HEATR1: variants seen among roughly 807,000 people sequenced by gnomAD.
HEATR1 encodes HEAT repeat-containing protein 1.
In HEATR1, 77 loss-of-function variants were observed where a neutral mutation model predicts 248.2. The observed-to-expected ratio is 0.31, with a 90% confidence interval of 0.26 to 0.37. The LOEUF is 0.37. Ranked by LOEUF, HEATR1 falls within the 10% of genes least tolerant of loss-of-function variation. HEATR1 has a pLI of 1.00. For missense variants in HEATR1, 2,420 were observed against 2,504.9 expected (o/e 0.97, Z 0.72); for synonymous variants, 897 against 923.1 (o/e 0.97, Z 0.51).
At chr1:236,600,697 AT>A (rs1201935697) in intron 3 of HEATR1, among the ~76,000 whole-genome samples, 1 of 151,088 alleles carries the variant, frequency 6.6e-6, no homozygotes, top group East Asian at 1.9e-4. Flanking sequence ...CACCCAGCTA[AT>A]TTTTTTTTGT....
chr1:236,567,042 A>G (rs1356499133), intron 29 of HEATR1, among the ~76,000 whole-genome samples, 166 bp from the exon 30 acceptor site: 1 of 152,134 alleles, frequency 6.6e-6, no homozygotes, highest in African/African-American at 2.4e-5. Context: ...GCTGAAGTGC[A>G]GTGATGTGAT....
At chr1:236,559,303 C>T (rs1663059706) in intron 34 of HEATR1, among the ~76,000 whole-genome samples, 168 bp from the exon 35 acceptor site, 1 of 152,166 alleles carries the variant, frequency 6.6e-6, no homozygotes, top group African/African-American at 2.4e-5. Flanking sequence ...CATTACCAAC[C>T]ACACATTATC....
rs1209210701 is a variant in HEATR1, at chr1:236,574,241, G to A, written c.3420C>T (p.Asn1140=). The stretch of plus-strand genomic sequence containing the variant: ...TGCTGACAGTCTGAGCACAATGTGA[G>A]TTTTTACAGTTCACCAATAAATCAA... The part of the protein sequence containing the change: ...MLFDLLVNCK[N]SHCAQTVSSV... Residue 1140 remains asparagine (N), a synonymous_variant, in exon 24 of 45, where the codon AAC becomes AAT. Coordinates refer to ENST00000366582, the MANE Select transcript of HEATR1 (RefSeq NM_018072.6). 13 of 1,612,780 alleles carry A rather than the reference G, an allele frequency of 8.1e-6. No homozygotes were observed. Among genetic ancestry groups the A allele is most frequent in the Non-Finnish European group, 1.0e-5 (12 of 1,179,476 alleles).
intron 28 of HEATR1, among the ~76,000 whole-genome samples, chr1:236,571,114 C>T (rs769600827): frequency 1.4e-4 from 21 of 152,128 alleles, no homozygotes; most frequent in African/African-American, 4.8e-4. Context: ...CTGAATTCCC[C>T]CAACAATCCA....
intron 32 of HEATR1, among the ~76,000 whole-genome samples, chr1:236,562,436 C>T (rs1663154163): frequency 6.6e-6 from 1 of 152,226 alleles, no homozygotes; most frequent in South Asian, 2.1e-4. Context: ...CAAGGTGTGA[C>T]ATCAGACTTT....
rs762633527 is a variant in HEATR1, at chr1:236,574,906, A to G, written c.3085-3T>C. On this transcript the variant is annotated splice_polypyrimidine_tract_variant and splice_region_variant and intron_variant, in intron 22 of 44. Transcript: ENST00000366582. Reference sequence around the variant, plus strand: ...GGCAATAGCTGAGAAAGCACCATCTAAAGATCCAAAGACTTAGTAGTAAAT... The same window carrying G: ...GGCAATAGCTGAGAAAGCACCATCTGAAGATCCAAAGACTTAGTAGTAAAT... The G allele has an allele frequency of 1.2e-5, 20 of 1,612,034 alleles. No individual in the cohort carries two copies. The African/African-American group carries it at 1.7e-4, about 14-fold the overall frequency.
At chr1:236,571,517 C>CA (rs1558183074) in intron 27 of HEATR1, 45 bp from the exon 28 acceptor site, 1 of 1,613,462 alleles carries the variant, frequency 6.2e-7, no homozygotes, top group South Asian at 1.1e-5. Context: ...CAGGTACACT[C>CA]ACGCTCAAAG....
At chr1:236,552,145 G>T (rs181218623) in intron 43 of HEATR1, 38 bp from the exon 44 acceptor site, 16,706 of 1,342,690 alleles carry the variant, frequency 0.012, 131 homozygotes, top group Non-Finnish European at 0.014. Flanking sequence ...AAAAAGTAGT[G>T]TTACTGTATT....
chr1:236,590,850 T>C lies in HEATR1; in HGVS notation c.1527A>G (p.Ser509=), dbSNP rs142194718. ...AAAAAAGCGATCTGAAACAAACCTT[T>C]GATGTTTTCATGATCTTTTTCAAAT... is the stretch of plus-strand genomic sequence containing the variant. ...MNHLKKIMKT[S]KEGVDESFIK... The change falls in exon 12 of 45, where the codon TCA becomes TCG. Residue 509 remains serine, a synonymous_variant. Coordinates refer to ENST00000366582, the MANE Select transcript of HEATR1 (RefSeq NM_018072.6). 295 of 1,460,684 alleles carry C rather than the reference T, an allele frequency of 2.0e-4. 1 individual carries two copies. The Middle Eastern group carries it at 4.5e-3, about 22-fold the overall frequency. 90.5% of individuals were successfully genotyped at this position (1,460,684 alleles called of 1,614,324 possible).
In HEATR1 at chr1:236,602,736, C is replaced by T. The variant is rs528451624; in HGVS notation, c.359+424G>A. The T allele has an allele frequency of 3.5e-4, 58 of 167,442 alleles. No individual in the cohort carries two copies. The South Asian group carries it at 6.8e-3, about 20-fold the overall frequency. The allele number at this position is 167,442 out of a possible 1,614,324, so 10.4% of individuals were successfully genotyped here. A position where few individuals can be genotyped will look rare whatever the true frequency, so the allele number is the denominator to read the frequency against. ...GGTCAGGGGTTAAAGACCAGCCTGG[C>T]TAACACGGTGAAACTCCATCTCTAC... is the stretch of plus-strand genomic sequence containing the variant. On this transcript the variant is annotated intron_variant, in intron 3 of 44. Transcript: ENST00000366582.
Position 236,558,460 on chromosome 1 carries a change from C to T in HEATR1, c.4981G>A (p.Glu1661Lys). 6.2e-7 allele frequency: 1 copy of T among 1,614,234 alleles called. No homozygotes were observed. Among genetic ancestry groups the T allele is most frequent in the Non-Finnish European group, 8.5e-7 (1 of 1,180,030 alleles). Residue 1661 changes from glutamate to lysine, a missense_variant, in exon 36 of 45, where the codon GAA becomes AAA. Transcript: ENST00000366582. ...GTCTGTCTGTTGATTGCTTGTTCTT[C>T]TTCCCCTTCCTTTTTCTTACGCTGC... is the stretch of plus-strand genomic sequence containing the variant. ...IVQRKKKEGE[E>K]EQAINRQTAL...
chr1:236,579,475 C>G (rs994243662), intron 20 of HEATR1, among the ~76,000 whole-genome samples: 7 of 152,134 alleles, frequency 4.6e-5, no homozygotes, highest in African/African-American at 1.7e-4. Flanking sequence ...ATATATGTAC[C>G]TTTTTGAAAA....
rs766491314 is a variant in HEATR1 at position 236,596,050 on chromosome 1, TA to T, written c.745-7del. The stretch of plus-strand genomic sequence containing the variant: ...GGTAAAGATGATTTCAATCCCTAAA[TA>T]TTTTTTAAATATAAGGAAAAATGAT... On this transcript the variant is annotated splice_polypyrimidine_tract_variant and splice_region_variant and intron_variant, in intron 6 of 44. Transcript: ENST00000366582. 2 of 1,577,912 alleles carry T rather than the reference TA, an allele frequency of 1.3e-6. No homozygotes were observed. The highest frequency in any genetic ancestry group is 1.7e-5 in the Admixed American group (1 of 58,736).
chr1:236,558,152 G>GA (rs143450994), intron 36 of HEATR1, 85 bp downstream of exon 36: 76,255 of 1,059,328 alleles, frequency 0.072, 7 homozygotes, highest in Non-Finnish European at 0.079. Flanking sequence ...CTACTCAGAG[G>GA]AAAAAAAAAA....
intron 14 of HEATR1, among the ~76,000 whole-genome samples, chr1:236,586,823 G>A (rs747912613): frequency 2.6e-5 from 4 of 151,248 alleles, no homozygotes; most frequent in East Asian, 1.9e-4. Context: ...CAACTCTACC[G>A]GAAATCAGGT....
chr1:236,559,193 C>G (rs1663057489), intron 34 of HEATR1, 58 bp from the exon 35 acceptor site: 2 of 1,376,038 alleles, frequency 1.5e-6, no homozygotes, highest in East Asian at 4.9e-5. Context: ...AAAAAACCAA[C>G]TTCAATTAAG....
In HEATR1 at chr1:236,561,247, T is replaced by G. The variant is rs558088674; in HGVS notation, c.4624A>C (p.Ile1542Leu). ...TACCTCTCTTCAAGGCCTTTTAAAA[T>G]CTCAGGACCACCACTCTCAACTACC... ...KKVVESGGPEILKGLEERLLE... is the reference protein window; with the variant it reads ...KKVVESGGPELLKGLEERLLE... Residue 1542 changes from isoleucine (I) to leucine (L), a missense_variant, in exon 33 of 45, where the codon ATT (isoleucine) becomes CTT (leucine). Coordinates refer to ENST00000366582, the MANE Select transcript of HEATR1 (RefSeq NM_018072.6). 2.2e-5 allele frequency: 35 copies of G among 1,610,600 alleles called. No homozygotes were observed. In the East Asian group the frequency reaches 7.8e-4, roughly 36 times the overall value.
chr1:236,594,454 G>A (rs16834030), intron 8 of HEATR1, among the ~76,000 whole-genome samples: 4 of 152,164 alleles, frequency 2.6e-5, no homozygotes, highest in African/African-American at 9.7e-5. Flanking sequence ...TCTCTGAAAA[G>A]AGGTTAAACT....
chr1:236,587,243 T>C (rs1476589531), intron 14 of HEATR1, among the ~76,000 whole-genome samples, 159 bp downstream of exon 14: 1 of 151,674 alleles, frequency 6.6e-6, no homozygotes, highest in Non-Finnish European at 1.5e-5. Context: ...ATTAATTAAC[T>C]GTATAATGAA....
Sources: allele counts gnomAD v4.1 joint callset (sites outside exome capture counted in the v4.1 genomes callset), GRCh38; gene constraint gnomAD v4.1.1; transcripts MANE v1.5; gene names NCBI Gene and HGNC (gene_info 2026-07-23, HGNC 2026-07-21).